DLGAP2: variants seen among roughly 807,000 people sequenced by gnomAD.
DLGAP2 encodes the protein disks large-associated protein 2.
DLGAP2 carries 26 observed loss-of-function variants against 100.3 expected under a neutral mutation model. The observed-to-expected ratio is 0.26, with a 90% CI of 0.19 to 0.36. The LOEUF (loss-of-function observed/expected upper bound fraction) is 0.36. Among genes scored for constraint, DLGAP2 ranks in the 10% least tolerant of loss-of-function variants. DLGAP2 has a pLI of 1.00. For missense variants in DLGAP2, 1,858 were observed against 1,453.2 expected (o/e 1.28, Z -4.53); for synonymous variants, 886 against 630.1 (o/e 1.41, Z -6.08).
At chr8:1,515,113 A>T (rs74625422) in intron 4 of DLGAP2, among the ~76,000 whole-genome samples, 23,190 of 152,046 alleles carry the variant, frequency 0.15, 1,915 homozygotes, top group Non-Finnish European at 0.16. Flanking sequence ...AATGGGATGG[A>T]TGCATCCAAC....
intron 3 of DLGAP2, among the ~76,000 whole-genome samples, chr8:1,384,548 G>C (rs68084829): frequency 8.3e-6 from 1 of 121,108 alleles, no homozygotes; most frequent in Admixed American, 8.0e-5. Context: ...ACCCCGGCCT[G>C]TGCCCGGCCC....
At chr8:801,803 C>G (rs906377915) in intron 1 of DLGAP2, among the ~76,000 whole-genome samples, 1 of 152,158 alleles carries the variant, frequency 6.6e-6, no homozygotes, top group Non-Finnish European at 1.5e-5. Flanking sequence ...ACAGATGGTC[C>G]CTGCTCGGGG....
intron 3 of DLGAP2, among the ~76,000 whole-genome samples, chr8:1,325,862 AGCCACAGTC>A (rs1280715689): frequency 6.6e-5 from 10 of 152,310 alleles, no homozygotes; most frequent in African/African-American, 2.4e-4. Context: ...ATGGCTTTCC[AGCCACAGTC>A]TTCTGTTTTG....
In DLGAP2 at chr8:1,172,117, G is replaced by A. The variant is rs536308171; in HGVS notation, c.74-86734G>A. The stretch of plus-strand genomic sequence containing the variant: ...CTCTCAGCATTTGCTTGTCTGTAAA[G>A]TATTTTATTTCTCCTTCACTTATGA... On this transcript the variant is annotated intron_variant, in intron 2 of 14. Transcript: ENST00000637795. 1.4e-3 allele frequency among the ~76,000 whole-genome samples: 207 copies of A among 151,724 alleles called. 9 individuals carry two copies. In the South Asian group the frequency reaches 0.038, roughly 28 times the overall value.
intron 2 of DLGAP2, among the ~76,000 whole-genome samples, chr8:1,193,692 G>A (rs925224745): frequency 2.0e-5 from 3 of 152,054 alleles, no homozygotes; most frequent in Non-Finnish European, 4.4e-5. Context: ...CCTGAGTCTC[G>A]CGTGGCTGGC....
intron 1 of DLGAP2, among the ~76,000 whole-genome samples, chr8:814,018 C>T (rs1010359934): frequency 4.6e-5 from 7 of 151,898 alleles, no homozygotes; most frequent in African/African-American, 1.5e-4. Context: ...ATGGTGACCT[C>T]CTATTAAAAT....
At chr8:960,914 A>C (rs1269455413) in intron 2 of DLGAP2, among the ~76,000 whole-genome samples, 1 of 152,248 alleles carries the variant, frequency 6.6e-6, no homozygotes, top group Non-Finnish European at 1.5e-5. Flanking sequence ...AAGTTGAACC[A>C]TCATAAGTCT....
At chr8:1,671,981 T>G (rs1053370505) in intron 10 of DLGAP2, among the ~76,000 whole-genome samples, 2 of 152,248 alleles carry the variant, frequency 1.3e-5, no homozygotes, top group African/African-American at 4.8e-5. Flanking sequence ...TTCATTCCAA[T>G]TGGACCATTT....
intron 1 of DLGAP2, among the ~76,000 whole-genome samples, chr8:827,997 A>T (rs933572192): frequency 1.4e-4 from 21 of 152,222 alleles, no homozygotes; most frequent in Admixed American, 3.9e-4. Context: ...AGTCTTTATT[A>T]GGGATTTTCA....
chr8:827,622 T>C (rs2132696048), intron 1 of DLGAP2, among the ~76,000 whole-genome samples: 1 of 152,378 alleles, frequency 6.6e-6, no homozygotes, highest in Middle Eastern at 3.4e-3. Context: ...TGATATTTTG[T>C]CTCATTTGAA....
chr8:1,604,064 C>T (rs750456261), intron 6 of DLGAP2, among the ~76,000 whole-genome samples: 7 of 152,116 alleles, frequency 4.6e-5, no homozygotes, highest in Non-Finnish European at 1.0e-4. Context: ...TGGGACAGAA[C>T]ACATTCTTAA....
At chr8:1,669,985 C>T (rs377330345) in intron 10 of DLGAP2, among the ~76,000 whole-genome samples, 2 of 152,250 alleles carry the variant, frequency 1.3e-5, no homozygotes, top group African/African-American at 4.8e-5. Flanking sequence ...CCCTGGGCCT[C>T]GCTGGGCTCC....
intron 3 of DLGAP2, among the ~76,000 whole-genome samples, chr8:1,346,433 A>T (rs1365321137): frequency 1.6e-5 from 2 of 127,258 alleles, no homozygotes; most frequent in African/African-American, 3.1e-5. Flanking sequence ...AGTTCCCTGT[A>T]CACATCTGCA....
intron 8 of DLGAP2, among the ~76,000 whole-genome samples, chr8:1,638,306 G>T (rs1467913287): frequency 2.0e-5 from 3 of 152,062 alleles, no homozygotes; most frequent in Admixed American, 1.3e-4. Context: ...CAATCTGTCC[G>T]GTGTCCTTAT....
chr8:1,260,925 C>T (rs1284253453), intron 3 of DLGAP2, among the ~76,000 whole-genome samples: 5 of 152,322 alleles, frequency 3.3e-5, no homozygotes, highest in African/African-American at 1.2e-4. Flanking sequence ...GTGCGTGGTC[C>T]TGGACAATCC....
At chr8:829,832 C>T (rs893458415) in intron 1 of DLGAP2, among the ~76,000 whole-genome samples, 1 of 152,132 alleles carries the variant, frequency 6.6e-6, no homozygotes, top group African/African-American at 2.4e-5. Flanking sequence ...TATTATGGTG[C>T]TTTCCTTGTC....
intron 1 of DLGAP2, among the ~76,000 whole-genome samples, chr8:796,487 G>A (rs1204140197): frequency 6.6e-6 from 1 of 152,138 alleles, no homozygotes; most frequent in Non-Finnish European, 1.5e-5. Flanking sequence ...TGGGTGGGGA[G>A]GGGCAGAGGG....
rs142524874 is a variant in DLGAP2, at chr8:1,510,319, C to T, written c.172+8888C>T. On this transcript the variant is annotated intron_variant, in intron 4 of 14. Transcript: ENST00000637795. ...TCCAGGCTCATAGGAAGTGAAGGTCCGCTGTCGGGACCTTGCCAGCCTCGT... is the reference window on the plus strand; with the variant it reads ...TCCAGGCTCATAGGAAGTGAAGGTCTGCTGTCGGGACCTTGCCAGCCTCGT... Among the ~76,000 whole-genome samples the T allele has an allele frequency of 2.0e-3, 304 of 152,292 alleles. 6 individuals carry two copies. In the South Asian group the frequency reaches 0.041, roughly 20 times the overall value.
At chr8:1,240,369 G>C (rs1305653118) in intron 2 of DLGAP2, among the ~76,000 whole-genome samples, 3 of 145,148 alleles carry the variant, frequency 2.1e-5, no homozygotes, top group Admixed American at 6.9e-5. Flanking sequence ...GTCTCACACA[G>C]AGCATCGTGT....
Sources: gnomAD v4.1 joint callset for allele counts (sites outside exome capture counted in the v4.1 genomes callset) on GRCh38, gnomAD v4.1.1 for gene constraint, MANE v1.5 for transcripts, NCBI Gene and HGNC (gene_info 2026-07-23, HGNC 2026-07-21) for gene names.